JPH2: variants seen among roughly 807,000 people sequenced by gnomAD.
JPH2 encodes the protein junctophilin 2, also known as junctophilin-2.
A neutral mutation model predicts 55.9 loss-of-function variants in JPH2; 38 were observed. The ratio of observed to expected loss-of-function variants is 0.68; its 90% CI spans 0.52 to 0.89. The LOEUF (loss-of-function observed/expected upper bound fraction) is 0.89, where lower values mean the gene tolerates loss of function less well. Among genes scored for constraint, JPH2 ranks in the 40% least tolerant of loss-of-function variants. JPH2 has a pLI of 0.00. For missense variants in JPH2, 964 were observed against 1,037.6 expected (o/e 0.93, Z 0.97); for synonymous variants, 480 against 472.4 (o/e 1.02, Z -0.21).
chr20:44,127,680 G>A (rs1373306564), intron 2 of JPH2, among the ~76,000 whole-genome samples: 4 of 151,874 alleles, frequency 2.6e-5, no homozygotes, highest in Non-Finnish European at 4.4e-5. Flanking sequence ...TAGTAGAGAC[G>A]GGGTTTCATC....
intron 2 of JPH2, among the ~76,000 whole-genome samples, chr20:44,120,210 A>G (rs1057065859): frequency 1.3e-5 from 2 of 152,158 alleles, no homozygotes; most frequent in Admixed American, 6.6e-5. Flanking sequence ...GACCCCTGAA[A>G]TCTATCCACA....
intron 1 of JPH2, 70 bp downstream of exon 1, chr20:44,186,257 C>G (rs1569226112): frequency 1.3e-6 from 2 of 1,568,400 alleles, no homozygotes; most frequent in Non-Finnish European, 1.7e-6. Context: ...GTCGCCTTTC[C>G]CACCCTCCAC....
At chr20:44,168,656 C>A (rs867826555) in intron 1 of JPH2, among the ~76,000 whole-genome samples, 23 of 152,340 alleles carry the variant, frequency 1.5e-4, no homozygotes, top group Middle Eastern at 6.8e-3. Flanking sequence ...TTGGCAATCA[C>A]AGCCAAGCGT....
At chr20:44,176,030 C>CA (rs1310479986) in intron 1 of JPH2, among the ~76,000 whole-genome samples, 2 of 152,176 alleles carry the variant, frequency 1.3e-5, no homozygotes, top group African/African-American at 2.4e-5. Flanking sequence ...CAGTTCATGG[C>CA]AACACCATCC....
At chr20:44,114,931 C>A (rs1043654427) in intron 4 of JPH2, 55 bp from the exon 5 acceptor site, 3 of 1,363,032 alleles carry the variant, frequency 2.2e-6, no homozygotes, top group Non-Finnish European at 3.1e-6. Flanking sequence ...AGACACCCCC[C>A]ACCCAGGTCA....
intron 2 of JPH2, among the ~76,000 whole-genome samples, chr20:44,134,851 TA>T (rs2145857701): frequency 1.1e-5 from 1 of 87,056 alleles, no homozygotes; most frequent in African/African-American, 5.1e-5. Context: ...ATGTTTATTA[TA>T]AATATATATA....
rs565522349 is a variant in JPH2 at position 44,137,567 on chromosome 20, G to A, written c.1170-18944C>T. ...GCAGCTCCATTTGCTCCTGGGGGCTGGCGACCCTGCTGTCACAAGGACAGG... is the reference window on the plus strand; with the variant it reads ...GCAGCTCCATTTGCTCCTGGGGGCTAGCGACCCTGCTGTCACAAGGACAGG... On this transcript the variant is annotated intron_variant, in intron 2 of 5. Coordinates refer to ENST00000372980, the MANE Select transcript of JPH2 (RefSeq NM_020433.5). Among the ~76,000 whole-genome samples the A allele has an allele frequency of 1.0e-3, 153 of 152,308 alleles. 1 individual carries two copies. The highest frequency in any genetic ancestry group is 1.7e-3 in the Non-Finnish European group (115 of 68,036).
intron 2 of JPH2, among the ~76,000 whole-genome samples, chr20:44,136,499 T>A (rs2072414449): frequency 6.6e-6 from 1 of 152,176 alleles, no homozygotes; most frequent in African/African-American, 2.4e-5. Flanking sequence ...GCTGCGCACC[T>A]ACTAGATGCC....
chr20:44,153,754 T>C (rs189447394), intron 2 of JPH2, among the ~76,000 whole-genome samples: 1 of 152,356 alleles, frequency 6.6e-6, no homozygotes, highest in Non-Finnish European at 1.5e-5. Context: ...CGTGTGTATA[T>C]ACCCTTCGTA....
At chr20:44,179,650 G>T (rs1193322927) in intron 1 of JPH2, among the ~76,000 whole-genome samples, 1 of 152,136 alleles carries the variant, frequency 6.6e-6, no homozygotes, top group Admixed American at 6.5e-5. Flanking sequence ...AATTCTTAAT[G>T]ATTTTAAAGA....
At chr20:44,177,624 A>G (rs1055386334) in intron 1 of JPH2, 14 of 1,186,562 alleles carry the variant, frequency 1.2e-5, no homozygotes, top group African/African-American at 9.6e-5. Flanking sequence ...GAACTGGGAC[A>G]TGAGATTTCC....
chr20:44,150,780 C>T (rs1320272686), intron 2 of JPH2, among the ~76,000 whole-genome samples: 2 of 152,050 alleles, frequency 1.3e-5, no homozygotes, highest in African/African-American at 2.4e-5. Flanking sequence ...AATCCCAGCA[C>T]TTTGGGAGGC....
intron 2 of JPH2, among the ~76,000 whole-genome samples, chr20:44,157,863 C>T (rs1458145180): frequency 6.6e-6 from 1 of 151,146 alleles, no homozygotes; most frequent in Admixed American, 6.6e-5. Context: ...GCTGCAGCCC[C>T]AGGACAGGCG....
intron 1 of JPH2, among the ~76,000 whole-genome samples, chr20:44,164,985 G>A (rs1474506029): frequency 1.3e-5 from 2 of 151,964 alleles, no homozygotes; most frequent in Non-Finnish European, 2.9e-5. Context: ...TTACAGGTGT[G>A]TGCCACCACC....
intron 1 of JPH2, among the ~76,000 whole-genome samples, chr20:44,172,016 T>G (rs2072702932): frequency 6.6e-6 from 1 of 152,188 alleles, no homozygotes; most frequent in Non-Finnish European, 1.5e-5. Context: ...AAGGTCTCTT[T>G]GAGTCTGTCT....
At chr20:44,174,312 G>T (rs1208978251) in intron 1 of JPH2, among the ~76,000 whole-genome samples, 1 of 152,160 alleles carries the variant, frequency 6.6e-6, no homozygotes, top group East Asian at 1.9e-4. Flanking sequence ...TTGAAAAGCT[G>T]AGTACCCAGA....
At chr20:44,116,901 A>G (rs1450401760) in intron 3 of JPH2, among the ~76,000 whole-genome samples, 1 of 152,208 alleles carries the variant, frequency 6.6e-6, no homozygotes, top group Non-Finnish European at 1.5e-5. Flanking sequence ...TTTCGCTCCT[A>G]GGTTTTTCAT....
intron 2 of JPH2, among the ~76,000 whole-genome samples, chr20:44,133,256 C>A (rs897816137): frequency 6.7e-6 from 1 of 149,730 alleles, no homozygotes; most frequent in Admixed American, 6.7e-5. Context: ...TGCAATAGAC[C>A]CTTTCCTGCC....
At chr20:44,132,347 GAC>G (rs1440487442) in intron 2 of JPH2, among the ~76,000 whole-genome samples, 2 of 88,786 alleles carry the variant, frequency 2.3e-5, no homozygotes, top group African/African-American at 1.2e-4. Context: ...AAGGGAGGCA[GAC>G]AGACAGACAC....
Sources: gnomAD v4.1 joint callset for allele counts (sites outside exome capture counted in the v4.1 genomes callset) on GRCh38, gnomAD v4.1.1 for gene constraint, MANE v1.5 for transcripts, NCBI Gene and HGNC (gene_info 2026-07-23, HGNC 2026-07-21) for gene names.